Variants in CFAP299 observed in about 807,000 individuals in gnomAD.
CFAP299 encodes the protein cilia- and flagella-associated protein 299.
A neutral mutation model predicts 27.0 loss-of-function variants in CFAP299; 21 were observed. The ratio of observed to expected loss-of-function variants is 0.78; its 90% confidence interval spans 0.55 to 1.12. The LOEUF (loss-of-function observed/expected upper bound fraction) is 1.12, where lower values mean the gene tolerates loss of function less well. Ranked by LOEUF, CFAP299 falls within the 50% of genes most tolerant of loss-of-function variation. The probability of loss-of-function intolerance (pLI) is 0.00; values close to 1 mark genes in which losing one functional copy is unlikely to be tolerated. For missense variants in CFAP299, 310 were observed against 276.6 expected, an observed-to-expected ratio of 1.12 and a Z score of -0.86; for synonymous variants, 104 against 98.1, an observed-to-expected ratio of 1.06 and a Z score of -0.36.
intron 3 of CFAP299, among the ~76,000 whole-genome samples, chr4:80,866,763 T>C (rs541327935): frequency 6.6e-6 from 1 of 152,228 alleles, no homozygotes; most frequent in Admixed American, 6.5e-5. Context: ...GACATTTAAC[T>C]CTCACAGAGC....
At chr4:80,449,352 CTTA>C (rs887642349) in intron 2 of CFAP299, among the ~76,000 whole-genome samples, 5 of 152,046 alleles carry the variant, frequency 3.3e-5, no homozygotes, top group South Asian at 2.1e-4. Flanking sequence ...TTATTAATCA[CTTA>C]TTAGTTATTT....
At chr4:80,412,194 A>G (rs1162393601) in intron 2 of CFAP299, among the ~76,000 whole-genome samples, 1 of 151,764 alleles carries the variant, frequency 6.6e-6, no homozygotes, top group Non-Finnish European at 1.5e-5. Flanking sequence ...TGCCTATCCA[A>G]ACTTTCACGG....
rs192402548 is a variant in CFAP299, at chr4:80,657,881, G to A, written c.333+74698G>A. Among the ~76,000 whole-genome samples, 111 of 152,114 alleles carry A rather than the reference G, an allele frequency of 7.3e-4. 1 individual carries two copies. The highest frequency in any genetic ancestry group is 2.5e-3 in the African/African-American group (105 of 41,504). ...CATGAGCATAGAACGTTTTCCATTGGTTTGTGTCCTCTCAAATAATTTCCT... is the reference window on the plus strand; with the variant it reads ...CATGAGCATAGAACGTTTTCCATTGATTTGTGTCCTCTCAAATAATTTCCT... On this transcript the variant is annotated intron_variant, in intron 3 of 5. Coordinates refer to ENST00000358105, the MANE Select transcript of CFAP299 (RefSeq NM_152770.3).
At chr4:80,940,210 T>G (rs1578254585) in intron 4 of CFAP299, among the ~76,000 whole-genome samples, 1 of 152,258 alleles carries the variant, frequency 6.6e-6, no homozygotes, top group South Asian at 2.1e-4. Flanking sequence ...TTTTGAGATC[T>G]TCACAGTGGT....
chr4:80,699,569 T>TA (rs2110025512), intron 3 of CFAP299, among the ~76,000 whole-genome samples: 1 of 152,306 alleles, frequency 6.6e-6, no homozygotes, highest in African/African-American at 2.4e-5. Context: ...GCTAATGTTT[T>TA]ACAGTTTCTT....
the CFAP299 span, among the ~76,000 whole-genome samples, chr4:80,330,433 C>T: frequency 3.9e-5 from 6 of 152,090 alleles, no homozygotes; most frequent in Admixed American, 2.6e-4. Context: ...ATTTTTCTGC[C>T]CTCTTGCATA....
chr4:80,953,924 G>A (rs905250447), intron 5 of CFAP299, among the ~76,000 whole-genome samples: 1 of 152,114 alleles, frequency 6.6e-6, no homozygotes, highest in African/African-American at 2.4e-5. Context: ...TTATTTCCAA[G>A]AGCAACCTAA....
chr4:80,399,685 C>G (rs1443282008), intron 2 of CFAP299, among the ~76,000 whole-genome samples: 1 of 108,954 alleles, frequency 9.2e-6, no homozygotes, highest in Non-Finnish European at 1.7e-5. Flanking sequence ...ACACCAGGGC[C>G]TGTTTTGAGG....
At chr4:80,698,851 G>C (rs1266302219) in intron 3 of CFAP299, among the ~76,000 whole-genome samples, 1 of 152,084 alleles carries the variant, frequency 6.6e-6, no homozygotes, top group East Asian at 1.9e-4. Context: ...ACTATCATGA[G>C]AACAGCATGG....
chr4:80,865,771 G>C (rs1479900837), intron 3 of CFAP299, among the ~76,000 whole-genome samples: 1 of 151,674 alleles, frequency 6.6e-6, no homozygotes, highest in Non-Finnish European at 1.5e-5. Flanking sequence ...CCTTTGTAGG[G>C]CCATGGATGA....
Position 80,849,158 on chromosome 4 carries a change from C to A in CFAP299, c.334-20835C>A, listed in dbSNP as rs184512765. On this transcript the variant is annotated intron_variant, in intron 3 of 5. Transcript: ENST00000358105. ...ATTTGTCTTTATATCATTCTACAAACTTTTTCTTTTTTAAAATTTTTTATT... is the reference window on the plus strand; with the variant it reads ...ATTTGTCTTTATATCATTCTACAAAATTTTTCTTTTTTAAAATTTTTTATT... 1.1e-4 allele frequency among the ~76,000 whole-genome samples: 16 copies of A among 152,116 alleles called. No homozygotes were observed. The East Asian group carries it at 2.9e-3, about 28-fold the overall frequency.
chr4:80,625,289 G>T (rs1238140278), intron 3 of CFAP299, among the ~76,000 whole-genome samples: 1 of 152,002 alleles, frequency 6.6e-6, no homozygotes, highest in Non-Finnish European at 1.5e-5. Context: ...GTGTATGTGT[G>T]TGTATGTTAT....
At chr4:80,790,774 G>T (rs1453817614) in intron 3 of CFAP299, among the ~76,000 whole-genome samples, 1 of 151,956 alleles carries the variant, frequency 6.6e-6, no homozygotes, top group Non-Finnish European at 1.5e-5. Flanking sequence ...ACCACAATCA[G>T]CAGGATATTC....
intron 4 of CFAP299, among the ~76,000 whole-genome samples, chr4:80,900,069 T>G (rs575771974): frequency 1.5e-4 from 23 of 150,826 alleles, no homozygotes; most frequent in Non-Finnish European, 2.5e-4. Flanking sequence ...AAAAATAGCA[T>G]GAGTAGATAA....
intron 2 of CFAP299, among the ~76,000 whole-genome samples, chr4:80,534,381 AC>A (rs1027951040): frequency 6.6e-6 from 1 of 151,356 alleles, no homozygotes; most frequent in African/African-American, 2.4e-5. Context: ...AGTTTAGATA[AC>A]TTTTACCACA....
At chr4:80,580,199 C>A (rs769255635) in intron 2 of CFAP299, among the ~76,000 whole-genome samples, 20 of 152,040 alleles carry the variant, frequency 1.3e-4, no homozygotes, top group Non-Finnish European at 2.6e-4. Flanking sequence ...ACTCAGCTAC[C>A]TTTCATTCTT....
chr4:80,799,194 T>TACA (rs1728066835), intron 3 of CFAP299, among the ~76,000 whole-genome samples: 3 of 118,366 alleles, frequency 2.5e-5, no homozygotes, highest in African/African-American at 1.0e-4. Context: ...AATATATTTA[T>TACA]ATAATATTTA....
chr4:80,330,960 G>T (rs1721919164), upstream of CFAP299, among the ~76,000 whole-genome samples: 1 of 152,148 alleles, frequency 6.6e-6, no homozygotes, highest in South Asian at 2.1e-4. Context: ...TATGTTCATA[G>T]ATTCTAATAA....
chr4:80,673,056 T>G (rs1741592981), intron 3 of CFAP299, among the ~76,000 whole-genome samples: 1 of 151,936 alleles, frequency 6.6e-6, no homozygotes, highest in Non-Finnish European at 1.5e-5. Flanking sequence ...TGCTAGCTTT[T>G]GAATGTGTTT....
Sources: gnomAD v4.1 joint callset for allele counts (sites outside exome capture counted in the v4.1 genomes callset) on GRCh38, gnomAD v4.1.1 for gene constraint, MANE v1.5 for transcripts, NCBI Gene and HGNC (gene_info 2026-07-23, HGNC 2026-07-21) for gene names.